The following MBOAT1 variants were observed in gnomAD, a reference collection of about 807,000 sequenced individuals.
MBOAT1 encodes membrane bound glycerophospholipid O-acyltransferase 1, also known as membrane-bound glycerophospholipid O-acyltransferase 1.
In MBOAT1, 67 loss-of-function variants were observed where a neutral mutation model predicts 64.4. That is an observed-to-expected ratio of 1.04 (90% CI 0.85 to 1.27). The LOEUF (loss-of-function observed/expected upper bound fraction) is 1.27. MBOAT1 is among the 50% of genes most tolerant of loss of function. The pLI, the probability that MBOAT1 is intolerant of heterozygous loss-of-function variation, is 0.00. For synonymous variants in MBOAT1, 229 were observed against 218.9 expected (o/e 1.05, Z -0.41); for missense variants, 563 against 604.6 (o/e 0.93, Z 0.72).
intron 1 of MBOAT1, among the ~76,000 whole-genome samples, chr6:20,192,995 C>CCTTTTTTTTTT (rs1762846131): frequency 1.8e-5 from 1 of 55,048 alleles, no homozygotes; most frequent in Non-Finnish European, 3.4e-5. Flanking sequence ...GCTATAATTT[C>CCTTTTTTTTTT]TTTTTTTTTT....
intron 1 of MBOAT1, among the ~76,000 whole-genome samples, chr6:20,154,722 C>T (rs1761626048): frequency 2.0e-5 from 3 of 152,038 alleles, no homozygotes; most frequent in Admixed American, 2.0e-4. Context: ...GAATGAATAG[C>T]CAATGAACAC....
chr6:20,128,838 G>A lies in MBOAT1; in HGVS notation c.476-85C>T, dbSNP rs1010842465. 12 of 931,970 alleles carry A rather than the reference G, an allele frequency of 1.3e-5. No homozygotes were observed. In the Admixed American group the frequency reaches 3.2e-4, roughly 25 times the overall value. The allele number at this position is 931,970 out of a possible 1,614,324, so 57.7% of individuals were successfully genotyped here. A position where few individuals can be genotyped will look rare whatever the true frequency, so the allele number is the denominator to read the frequency against. ...TAAAAGGGTCTTATCAAAGTCATTT[G>A]AACCAGGTAATCTTTGTTTGCTTCA... On this transcript the variant is annotated intron_variant, in intron 5 of 12. Transcript: ENST00000324607.
At chr6:20,152,905 T>C in intron 1 of MBOAT1, 136 bp from the exon 2 acceptor site, 1 of 885,108 alleles carries the variant, frequency 1.1e-6, no homozygotes, top group Non-Finnish European at 1.6e-6. Context: ...CAAACTCGGC[T>C]CACTGCAAGC....
At position 20,099,755 on chromosome 6, in the gene MBOAT1, T is replaced by G. The variant is rs148552244; in HGVS notation, c.*2531A>C. ...TTTCAACTGAAAGCTCACATTCCAA[T>G]AAGTATTTATGAACTGCATCTTATA... On this transcript the variant is annotated 3_prime_UTR_variant, in exon 13 of 13. Coordinates refer to ENST00000324607, the MANE Select transcript of MBOAT1 (RefSeq NM_001080480.3). Among the ~76,000 whole-genome samples, 7 of 152,074 alleles carry G rather than the reference T, an allele frequency of 4.6e-5. No homozygotes were observed. In the East Asian group the frequency reaches 1.4e-3, roughly 29 times the overall value.
intron 1 of MBOAT1, among the ~76,000 whole-genome samples, chr6:20,160,606 A>G (rs1761823285): frequency 6.6e-6 from 1 of 152,210 alleles, no homozygotes; most frequent in Non-Finnish European, 1.5e-5. Context: ...ATTCGGCAAC[A>G]CTGCCTTACA....
intron 1 of MBOAT1, among the ~76,000 whole-genome samples, chr6:20,192,995 C>CTTTTTTTTTT (rs1174816793): frequency 0.021 from 1,134 of 55,028 alleles, 363 homozygotes; most frequent in Non-Finnish European, 0.027. Context: ...GCTATAATTT[C>CTTTTTTTTTT]TTTTTTTTTT....
intron 9 of MBOAT1, among the ~76,000 whole-genome samples, chr6:20,116,550 A>G (rs1271897936): frequency 2.0e-5 from 3 of 152,146 alleles, no homozygotes; most frequent in Non-Finnish European, 4.4e-5. Context: ...GAAGATAGAT[A>G]GATGTAAAAT....
intron 3 of MBOAT1, among the ~76,000 whole-genome samples, chr6:20,149,092 C>G (rs1761413761): frequency 7.3e-6 from 1 of 136,352 alleles, no homozygotes; most frequent in Non-Finnish European, 1.5e-5. Context: ...CAGAGTGAGA[C>G]TCTGTCTCAA....
At position 20,126,507 on chromosome 6, in the gene MBOAT1, A is replaced by C. The variant is rs1179956289; in HGVS notation, c.714+10T>G. 1 of 1,603,252 alleles carries C rather than the reference A, an allele frequency of 6.2e-7. No individual in the cohort carries two copies. The highest frequency in any genetic ancestry group is 2.2e-5 in the East Asian group (1 of 44,800). ...AGCAAAACCCTATTCTCTAGACACT[A>C]AAAACTTACTGTGGGAGAAGGTTCT... On this transcript the variant is annotated intron_variant, in intron 7 of 12. Transcript: ENST00000324607.
At chr6:20,111,070 T>C (rs1176292534) in intron 11 of MBOAT1, among the ~76,000 whole-genome samples, 1 of 152,212 alleles carries the variant, frequency 6.6e-6, no homozygotes. Context: ...GCATCATGAT[T>C]CCCGTTTTAC....
At chr6:20,122,595 T>C (rs1248738678) in intron 8 of MBOAT1, among the ~76,000 whole-genome samples, 1 of 152,192 alleles carries the variant, frequency 6.6e-6, no homozygotes, top group Non-Finnish European at 1.5e-5. Flanking sequence ...AAATACAGCA[T>C]TGGACTGAAC....
chr6:20,178,823 G>A (rs149367821), intron 1 of MBOAT1, among the ~76,000 whole-genome samples: 42 of 152,168 alleles, frequency 2.8e-4, no homozygotes, highest in East Asian at 9.7e-4. Context: ...AACATGAGAC[G>A]ATTCATCTAG....
chr6:20,181,923 T>C (rs996470786), intron 1 of MBOAT1, among the ~76,000 whole-genome samples: 2 of 152,198 alleles, frequency 1.3e-5, no homozygotes, highest in Non-Finnish European at 2.9e-5. Flanking sequence ...TAGACAACAC[T>C]ATGGGATACA....
At chr6:20,127,778 C>T (rs189351263) in intron 6 of MBOAT1, among the ~76,000 whole-genome samples, 2 of 152,146 alleles carry the variant, frequency 1.3e-5, no homozygotes, top group Admixed American at 1.3e-4. Context: ...GATGTAATAA[C>T]AATACAAAGT....
At chr6:20,107,569 T>C (rs1246799254) in intron 12 of MBOAT1, among the ~76,000 whole-genome samples, 2 of 152,166 alleles carry the variant, frequency 1.3e-5, no homozygotes, top group African/African-American at 2.4e-5. Flanking sequence ...ATGTGTCAAT[T>C]ACTCCCTGTC....
intron 1 of MBOAT1, among the ~76,000 whole-genome samples, chr6:20,201,619 C>T (rs1352730211): frequency 1.3e-5 from 2 of 148,408 alleles, no homozygotes; most frequent in African/African-American, 2.5e-5. Flanking sequence ...CTCATACTGT[C>T]GTCCAGGCTG....
Position 20,104,855 on chromosome 6 carries a change from A to G in MBOAT1, c.1362-2443T>C, listed in dbSNP as rs1206957571. 2.0e-5 allele frequency among the ~76,000 whole-genome samples: 3 copies of G among 152,352 alleles called. No individual in the cohort carries two copies. The East Asian group carries it at 5.8e-4, about 29-fold the overall frequency. ...CATACATGCATTCATTTATCCTTTC[A>G]ATATGCATTTACTGCTTAGGATATG... is the stretch of plus-strand genomic sequence containing the variant. On this transcript the variant is annotated intron_variant, in intron 12 of 12. Transcript: ENST00000324607.
chr6:20,180,097 C>T (rs1351751043), intron 1 of MBOAT1, among the ~76,000 whole-genome samples: 2 of 152,212 alleles, frequency 1.3e-5, no homozygotes, highest in Middle Eastern at 6.8e-3. Context: ...CCACAAGAAC[C>T]GGAAAAAGGC....
At chr6:20,163,204 T>A (rs565379925) in intron 1 of MBOAT1, among the ~76,000 whole-genome samples, 1 of 152,244 alleles carries the variant, frequency 6.6e-6, no homozygotes, top group South Asian at 2.1e-4. Flanking sequence ...CAAATCCTTA[T>A]AATCCTTGGC....
Sources: allele counts gnomAD v4.1 joint callset (sites outside exome capture counted in the v4.1 genomes callset), GRCh38; gene constraint gnomAD v4.1.1; transcripts MANE v1.5; gene names NCBI Gene and HGNC (gene_info 2026-07-23, HGNC 2026-07-21).